CNTNAP2: variants seen among roughly 807,000 people sequenced by gnomAD.
CNTNAP2 encodes the protein contactin-associated protein-like 2.
Under a neutral mutation model 155.2 loss-of-function variants are expected in CNTNAP2, and 98 were observed. The ratio of observed to expected loss-of-function variants is 0.63; its 90% CI spans 0.54 to 0.75. The LOEUF is 0.75. CNTNAP2 is among the 30% of genes least tolerant of loss of function. CNTNAP2 has a pLI of 0.00. For missense variants in CNTNAP2, 1,727 were observed against 1,688.1 expected, an observed-to-expected ratio of 1.02 and a Z score of -0.40; for synonymous variants, 651 against 631.2, an observed-to-expected ratio of 1.03 and a Z score of -0.47.
chr7:146,415,445 A>G (rs1291625944), intron 1 of CNTNAP2, among the ~76,000 whole-genome samples: 1 of 152,176 alleles, frequency 6.6e-6, no homozygotes, highest in African/African-American at 2.4e-5. Flanking sequence ...AAAAATCTTT[A>G]TGTGTATTTA....
At chr7:146,652,934 T>A (rs1799941236) in intron 1 of CNTNAP2, among the ~76,000 whole-genome samples, 1 of 152,096 alleles carries the variant, frequency 6.6e-6, no homozygotes, top group Non-Finnish European at 1.5e-5. Context: ...GACTGTGGAG[T>A]CTTTCTGGAA....
chr7:147,865,745 T>G (rs7795352), intron 13 of CNTNAP2, among the ~76,000 whole-genome samples: 90,061 of 151,656 alleles, frequency 0.59, 26,990 homozygotes, highest in Middle Eastern at 0.7. Flanking sequence ...CTAATGATAG[T>G]TTTTATTTCT....
rs373058692 is a variant in CNTNAP2, at chr7:146,511,346, G to A, written c.98-262925G>A. On this transcript the variant is annotated intron_variant, in intron 1 of 23. Coordinates refer to ENST00000361727, the MANE Select transcript of CNTNAP2 (RefSeq NM_014141.6). ...AGTATGTTGAATAAAAGTAGTGAAAGCGGTTAACCTTGTTGTTCCAGATCT... is the reference window on the plus strand; with the variant it reads ...AGTATGTTGAATAAAAGTAGTGAAAACGGTTAACCTTGTTGTTCCAGATCT... Among the ~76,000 whole-genome samples, 14 of 152,166 alleles carry A rather than the reference G, an allele frequency of 9.2e-5. No individual in the cohort carries two copies. In the East Asian group the frequency reaches 1.7e-3, roughly 19 times the overall value.
intron 1 of CNTNAP2, among the ~76,000 whole-genome samples, chr7:146,380,953 C>A (rs1244300556): frequency 6.6e-6 from 1 of 150,722 alleles, no homozygotes; most frequent in Non-Finnish European, 1.5e-5. Flanking sequence ...CGCCCGCCAC[C>A]TCGCCCGGCT....
chr7:146,502,236 T>TATATATATATATATGA (rs1554441622), intron 1 of CNTNAP2, among the ~76,000 whole-genome samples: 30 of 76,730 alleles, frequency 3.9e-4, no homozygotes, highest in African/African-American at 1.1e-3. Flanking sequence ...TATATATATA[T>TATATATATATATATGA]ATATATATAT....
chr7:148,149,752 A>G lies in CNTNAP2; in HGVS notation c.2773+2043A>G, dbSNP rs144078705. Among the ~76,000 whole-genome samples, 190 of 152,066 alleles carry G rather than the reference A, an allele frequency of 1.2e-3. 1 individual carries two copies. Among genetic ancestry groups the G allele is most frequent in the African/African-American group, 4.4e-3 (184 of 41,496 alleles). On this transcript the variant is annotated intron_variant, in intron 17 of 23. Coordinates refer to ENST00000361727, the MANE Select transcript of CNTNAP2 (RefSeq NM_014141.6). Reference sequence around the variant, plus strand: ...TTTTTAGTAGAGAAGGGGTTTCACCATGTTGGCCAGGCTGGTCTCAAACTC... The same window carrying G: ...TTTTTAGTAGAGAAGGGGTTTCACCGTGTTGGCCAGGCTGGTCTCAAACTC...
intron 11 of CNTNAP2, among the ~76,000 whole-genome samples, chr7:147,520,826 T>C (rs558691844): frequency 6.6e-6 from 1 of 152,336 alleles, no homozygotes; most frequent in East Asian, 1.9e-4. Context: ...CTTCCTATTA[T>C]AGTCTCAGAA....
intron 18 of CNTNAP2, among the ~76,000 whole-genome samples, chr7:148,173,925 A>G (rs1794880881): frequency 6.6e-6 from 1 of 152,214 alleles, no homozygotes; most frequent in African/African-American, 2.4e-5. Flanking sequence ...TTATTTTTGG[A>G]GAGTTAGGTT....
At chr7:147,910,650 G>A (rs1800046602) in intron 14 of CNTNAP2, among the ~76,000 whole-genome samples, 3 of 152,162 alleles carry the variant, frequency 2.0e-5, no homozygotes, top group Admixed American at 2.0e-4. Flanking sequence ...AAGGCAGAGG[G>A]AAAAGTAAAG....
At chr7:148,152,640 C>T (rs947414879) in intron 17 of CNTNAP2, among the ~76,000 whole-genome samples, 1 of 152,088 alleles carries the variant, frequency 6.6e-6, no homozygotes, top group African/African-American at 2.4e-5. Flanking sequence ...AATCTCATGG[C>T]CTTTCATTGG....
At chr7:147,312,800 T>C (rs1402731765) in intron 9 of CNTNAP2, among the ~76,000 whole-genome samples, 1 of 120,720 alleles carries the variant, frequency 8.3e-6, no homozygotes, top group Non-Finnish European at 1.6e-5. Context: ...CTGGGTCAAA[T>C]TGTATTTCTA....
At chr7:147,486,110 G>A in intron 11 of CNTNAP2, 69 bp downstream of exon 11, 1 of 1,329,202 alleles carries the variant, frequency 7.5e-7, no homozygotes, top group Non-Finnish European at 1.1e-6. Flanking sequence ...GCTGTGCTTT[G>A]AAGCTCAGCA....
intron 1 of CNTNAP2, among the ~76,000 whole-genome samples, chr7:146,636,734 C>G (rs946706804): frequency 2.6e-5 from 4 of 152,192 alleles, no homozygotes; most frequent in African/African-American, 9.7e-5. Flanking sequence ...ACAGATCACT[C>G]TGGTTGAGCC....
chr7:147,881,876 G>A (rs1346598171), intron 13 of CNTNAP2, among the ~76,000 whole-genome samples: 2 of 152,102 alleles, frequency 1.3e-5, no homozygotes, highest in African/African-American at 4.8e-5. Context: ...GAAGGCTGAG[G>A]TAGGAGCATC....
chr7:146,317,768 A>G (rs1334895216), intron 1 of CNTNAP2, among the ~76,000 whole-genome samples: 2 of 152,260 alleles, frequency 1.3e-5, no homozygotes, highest in African/African-American at 4.8e-5. Context: ...TACACATGTC[A>G]TCTTTCCTTG....
chr7:146,359,462 C>A lies in CNTNAP2; in HGVS notation c.97+242489C>A, dbSNP rs190317768. ...CTTGAAATTTTTGGTAACCACAGAA[C>A]ATTCTAATGAAGAAACAGCATATTG... On this transcript the variant is annotated intron_variant, in intron 1 of 23. Coordinates refer to ENST00000361727, the MANE Select transcript of CNTNAP2 (RefSeq NM_014141.6). Among the ~76,000 whole-genome samples, 31 of 152,328 alleles carry A rather than the reference C, an allele frequency of 2.0e-4. 1 individual carries two copies. Among genetic ancestry groups the A allele is most frequent in the Admixed American group, 1.8e-3 (27 of 15,290 alleles).
chr7:148,296,545 C>A (rs866680059), intron 21 of CNTNAP2, among the ~76,000 whole-genome samples: 51 of 76,590 alleles, frequency 6.7e-4, no homozygotes, highest in African/African-American at 1.7e-3. Context: ...GACTCTGTCT[C>A]AAAAAAAAAA....
chr7:148,097,025 T>C (rs1803986384), intron 15 of CNTNAP2, among the ~76,000 whole-genome samples: 1 of 152,144 alleles, frequency 6.6e-6, no homozygotes, highest in Non-Finnish European at 1.5e-5. Context: ...AAATCCATGC[T>C]CCAGGAATGG....
chr7:146,773,435 G>A (rs1802331912), intron 1 of CNTNAP2, among the ~76,000 whole-genome samples: 1 of 152,136 alleles, frequency 6.6e-6, no homozygotes, highest in South Asian at 2.1e-4. Flanking sequence ...TGCTGTTGTT[G>A]CCCAGGCTGG....
Sources: allele counts gnomAD v4.1 joint callset (sites outside exome capture counted in the v4.1 genomes callset), GRCh38; gene constraint gnomAD v4.1.1; transcripts MANE v1.5; gene names NCBI Gene and HGNC (gene_info 2026-07-23, HGNC 2026-07-21).